Variants in TNR observed in about 807,000 individuals in gnomAD.
TNR encodes the protein tenascin-R.
Under a neutral mutation model 150.4 loss-of-function variants are expected in TNR, and 45 were observed. The ratio of observed to expected loss-of-function variants is 0.30; its 90% CI spans 0.24 to 0.38. The LOEUF (loss-of-function observed/expected upper bound fraction) is 0.38. Ranked by LOEUF, TNR falls within the 10% of genes least tolerant of loss-of-function variation. The pLI is 1.00. For missense variants in TNR, 1,544 were observed against 1,759.1 expected, an observed-to-expected ratio of 0.88 and a Z score of 2.19; for synonymous variants, 687 against 678.4, an observed-to-expected ratio of 1.01 and a Z score of -0.20.
chr1:175,386,022 G>T lies in TNR; in HGVS notation c.1777+10C>A, dbSNP rs772196864. 4 of 1,555,206 alleles carry T rather than the reference G, an allele frequency of 2.6e-6. No homozygotes were observed. Among genetic ancestry groups the T allele is most frequent in the African/African-American group, 1.4e-5 (1 of 72,958 alleles). ...CCTCCTTGTGCGTCTCTCCCCCACC[G>T]CAGCCTTACCTGTTGTGAACTGAGT... is the stretch of plus-strand genomic sequence containing the variant. On this transcript the variant is annotated intron_variant, in intron 8 of 22. Coordinates refer to ENST00000367674, the MANE Select transcript of TNR (RefSeq NM_003285.3).
chr1:175,638,905 T>C (rs1349830691), intron 1 of TNR, among the ~76,000 whole-genome samples: 1 of 152,240 alleles, frequency 6.6e-6, no homozygotes, highest in Non-Finnish European at 1.5e-5. Flanking sequence ...TACAGAACTT[T>C]ATTAAATGAA....
At chr1:175,731,273 A>G (rs966483120) in intron 1 of TNR, among the ~76,000 whole-genome samples, 2 of 152,194 alleles carry the variant, frequency 1.3e-5, no homozygotes, top group African/African-American at 4.8e-5. Flanking sequence ...GCGAGTTAGT[A>G]TGGTTGCGAT....
chr1:175,341,579 A>G (rs901524972), intron 18 of TNR, among the ~76,000 whole-genome samples: 46 of 152,296 alleles, frequency 3.0e-4, no homozygotes, highest in African/African-American at 1.1e-3. Context: ...CAGTCAGGGG[A>G]CCACCACTGC....
At chr1:175,529,811 C>T (rs1557988920) in intron 1 of TNR, among the ~76,000 whole-genome samples, 1 of 152,166 alleles carries the variant, frequency 6.6e-6, no homozygotes, top group Non-Finnish European at 1.5e-5. Context: ...AGGTGCTAAC[C>T]TCACTCTCAG....
At chr1:175,585,031 C>T (rs760784457) in intron 1 of TNR, among the ~76,000 whole-genome samples, 7 of 152,184 alleles carry the variant, frequency 4.6e-5, no homozygotes, top group South Asian at 2.1e-4. Flanking sequence ...TACTAAATAA[C>T]GTTGTTAATA....
At chr1:175,527,457 T>A (rs80337782) in intron 2 of TNR, among the ~76,000 whole-genome samples, 1 of 152,102 alleles carries the variant, frequency 6.6e-6, no homozygotes, top group Non-Finnish European at 1.5e-5. Flanking sequence ...AGGAAGAAAA[T>A]GAGCTCCCGA....
In TNR at chr1:175,581,523, G is replaced by C. The variant is rs115908285; in HGVS notation, c.-164-53154C>G. ...GATATTTATAGTAGAAAAACAATCT[G>C]TTGGTTGGGAAGAGCAAGGAACCCT... On this transcript the variant is annotated intron_variant, in intron 1 of 22. Coordinates refer to ENST00000367674, the MANE Select transcript of TNR (RefSeq NM_003285.3). Among the ~76,000 whole-genome samples the C allele has an allele frequency of 7.6e-3, 1,158 of 152,296 alleles. 5 individuals are homozygous for C. Among genetic ancestry groups the C allele is most frequent in the Non-Finnish European group, 0.012 (795 of 68,022 alleles).
At chr1:175,681,431 A>G (rs1403118311) in intron 1 of TNR, among the ~76,000 whole-genome samples, 1 of 152,202 alleles carries the variant, frequency 6.6e-6, no homozygotes, top group Non-Finnish European at 1.5e-5. Context: ...TTCATGGCAA[A>G]CTATGCTTGC....
At chr1:175,363,865 GCA>G (rs1553209347) in intron 12 of TNR, 38 bp from the exon 13 acceptor site, 1 of 1,582,130 alleles carries the variant, frequency 6.3e-7, no homozygotes, top group African/African-American at 1.4e-5. Flanking sequence ...AAGACAGAAA[GCA>G]CAGTGTGAAA....
chr1:175,330,092 T>G lies in TNR; in HGVS notation c.3775A>C (p.Ser1259Arg), dbSNP rs1649649377. ...TAGGTACCCGCAGTGCCGTTGTAGC[T>G]TCCTATGCGGAGTTTGTACAGGTTT... is the stretch of plus-strand genomic sequence containing the variant. ...SRNLYKLRIG[S>R]YNGTAGDSLS... The change falls in exon 21 of 23, where the codon AGC becomes CGC. Residue 1259 changes from serine (S) to arginine (R), a missense_variant. Ser to Arg is a moderately radical substitution (Grantham distance 110, BLOSUM62 -1). Transcript: ENST00000367674. The G allele has an allele frequency of 1.3e-6, 2 of 1,597,180 alleles. No homozygotes were observed. The highest frequency in any genetic ancestry group is 2.7e-5 in the African/African-American group (2 of 74,726).
chr1:175,620,265 G>A (rs970961824), intron 1 of TNR, among the ~76,000 whole-genome samples: 4 of 152,112 alleles, frequency 2.6e-5, no homozygotes, highest in African/African-American at 9.7e-5. Flanking sequence ...TCAGCTAGAC[G>A]GATTGCTCTC....
At chr1:175,362,588 T>C in intron 14 of TNR, 75 bp downstream of exon 14, 1 of 1,561,394 alleles carries the variant, frequency 6.4e-7, no homozygotes, top group South Asian at 1.2e-5. Flanking sequence ...TCCAGAACCT[T>C]TCTACAAGCC....
chr1:175,447,487 C>A (rs1238913559), intron 2 of TNR, among the ~76,000 whole-genome samples: 9 of 152,118 alleles, frequency 5.9e-5, no homozygotes, highest in Non-Finnish European at 1.0e-4. Flanking sequence ...GCATTCAGTT[C>A]CTTCTGCTTT....
chr1:175,495,041 G>A lies in TNR; in HGVS notation c.-64+33228C>T, dbSNP rs1429158633. ...CTTCAGCGTTCACTTCTGCAGGCAC[G>A]GCTGCATTCATTCATTCATTCATTC... On this transcript the variant is annotated intron_variant, in intron 2 of 22. Transcript: ENST00000367674. 4.6e-5 allele frequency among the ~76,000 whole-genome samples: 7 copies of A among 152,094 alleles called. No individual in the cohort carries two copies. In the East Asian group the frequency reaches 5.8e-4, roughly 13 times the overall value.
chr1:175,634,889 A>C (rs543169938), intron 1 of TNR, among the ~76,000 whole-genome samples: 2 of 152,258 alleles, frequency 1.3e-5, no homozygotes, highest in South Asian at 4.2e-4. Flanking sequence ...ACAAACAAAA[A>C]ACTAAAAGAG....
chr1:175,646,592 T>C (rs181305658), intron 1 of TNR, among the ~76,000 whole-genome samples: 2 of 152,276 alleles, frequency 1.3e-5, no homozygotes, highest in East Asian at 1.9e-4. Flanking sequence ...GCCTTAGACA[T>C]TATCTGATCC....
intron 1 of TNR, among the ~76,000 whole-genome samples, chr1:175,663,284 A>T (rs1332704015): frequency 6.6e-6 from 1 of 152,160 alleles, no homozygotes; most frequent in Non-Finnish European, 1.5e-5. Flanking sequence ...CGCTGGTGCC[A>T]GTCAGGCCGG....
At chr1:175,649,206 C>T (rs1308169420) in intron 1 of TNR, among the ~76,000 whole-genome samples, 1 of 152,160 alleles carries the variant, frequency 6.6e-6, no homozygotes, top group Non-Finnish European at 1.5e-5. Flanking sequence ...TTCAGCACAC[C>T]CAGCAAATCT....
At chr1:175,439,081 A>C (rs1373957207) in intron 2 of TNR, among the ~76,000 whole-genome samples, 3 of 152,242 alleles carry the variant, frequency 2.0e-5, no homozygotes, top group East Asian at 3.8e-4. Context: ...ATCCTAAGCC[A>C]AAAGAACAAA....
Sources: allele counts gnomAD v4.1 joint callset (sites outside exome capture counted in the v4.1 genomes callset), GRCh38; gene constraint gnomAD v4.1.1; transcripts MANE v1.5; gene names NCBI Gene and HGNC (gene_info 2026-07-23, HGNC 2026-07-21).